The following RFC1 variants were observed in gnomAD, a reference collection of about 807,000 sequenced individuals.
RFC1 encodes the protein A1 140 kDa subunit.
In RFC1, 37 loss-of-function variants were observed where a neutral mutation model predicts 137.4. The ratio of observed to expected loss-of-function variants is 0.27; its 90% CI spans 0.21 to 0.35. RFC1 has a LOEUF of 0.35. Ranked by LOEUF, RFC1 falls within the 10% of genes least tolerant of loss-of-function variation. The pLI is 1.00. For synonymous variants in RFC1, 429 were observed against 455.7 expected (o/e 0.94, Z 0.75); for missense variants, 1,205 against 1,358.5 (o/e 0.89, Z 1.78).
chr4:39,306,839 AC>A lies in RFC1; in HGVS notation c.1886-139del. On this transcript the variant is annotated intron_variant, in intron 13 of 24. Transcript: ENST00000349703. ...GTTCTAAATTTGCAGACTATTTTCT[AC>A]AAAGCATAAACAAGTTTCCAGAGCA... 4.8e-6 allele frequency: 3 copies of A among 629,054 alleles called. No homozygotes were observed. In the South Asian group the frequency reaches 5.8e-5, roughly 12 times the overall value. 39.0% of individuals were successfully genotyped at this position (629,054 alleles called of 1,614,324 possible). A position where few individuals can be genotyped will look rare whatever the true frequency, so the allele number is the denominator to read the frequency against.
chr4:39,300,809 G>C (rs556960766), intron 19 of RFC1, among the ~76,000 whole-genome samples: 4 of 152,198 alleles, frequency 2.6e-5, no homozygotes, highest in Non-Finnish European at 4.4e-5. Context: ...AAAGACATGG[G>C]GGGGCAGGGC....
At chr4:39,319,225 C>G (rs1357109009) in intron 9 of RFC1, among the ~76,000 whole-genome samples, 1 of 152,068 alleles carries the variant, frequency 6.6e-6, no homozygotes, top group Non-Finnish European at 1.5e-5. Flanking sequence ...ATTTTACAAA[C>G]AGCACCAAAG....
chr4:39,326,476 C>A, intron 6 of RFC1, 87 bp downstream of exon 6: 1 of 962,844 alleles, frequency 1.0e-6, no homozygotes, highest in Non-Finnish European at 1.6e-6. Context: ...CATGTAACTT[C>A]CAATGAGGTT....
chr4:39,361,216 C>T (rs2109782253), intron 1 of RFC1, among the ~76,000 whole-genome samples: 1 of 152,202 alleles, frequency 6.6e-6, no homozygotes, highest in Middle Eastern at 3.4e-3. Flanking sequence ...GGACAAAACC[C>T]CGTCTCTGCT....
intron 4 of RFC1, among the ~76,000 whole-genome samples, chr4:39,336,093 T>A (rs1560612809): frequency 6.6e-6 from 1 of 152,092 alleles, no homozygotes; most frequent in African/African-American, 2.4e-5. Context: ...CTCCTTCCTC[T>A]CCATATGCCA....
chr4:39,289,151 G>C (rs1737529256), intron 24 of RFC1, among the ~76,000 whole-genome samples: 1 of 152,190 alleles, frequency 6.6e-6, no homozygotes, highest in East Asian at 1.9e-4. Context: ...AAATAAGCAA[G>C]AGGTAATTGA....
rs1739476769 is a variant in RFC1, at chr4:39,320,677, G to A, written c.809-8C>T. 1 of 1,559,704 alleles carries A rather than the reference G, an allele frequency of 6.4e-7. No homozygotes were observed. The highest frequency in any genetic ancestry group is 2.2e-5 in the Admixed American group (1 of 45,164). ...AAACTTGTGCTGTTTTTACTAGGAA[G>A]AAAGAAAAGATTATGGTTGTTGTTT... On this transcript the variant is annotated splice_region_variant and splice_polypyrimidine_tract_variant and intron_variant, in intron 8 of 24. Coordinates refer to ENST00000349703, the MANE Select transcript of RFC1 (RefSeq NM_002913.5).
intron 2 of RFC1, among the ~76,000 whole-genome samples, chr4:39,349,955 G>A (rs1292072327): frequency 1.3e-5 from 2 of 152,184 alleles, no homozygotes; most frequent in Non-Finnish European, 2.9e-5. Flanking sequence ...GGTGAGCCGA[G>A]ATCGTGCCAT....
chr4:39,302,121 T>A (rs2109609029), intron 19 of RFC1, among the ~76,000 whole-genome samples, 157 bp downstream of exon 19: 1 of 152,374 alleles, frequency 6.6e-6, no homozygotes, highest in South Asian at 2.1e-4. Context: ...TCATTTGAAT[T>A]AGAAACACTT....
At chr4:39,323,562 T>C (rs985349666) in intron 6 of RFC1, 145 bp from the exon 7 acceptor site, 6 of 708,606 alleles carry the variant, frequency 8.5e-6, no homozygotes, top group Non-Finnish European at 1.4e-5. Context: ...TCAACATTAA[T>C]AGTGAAGTAT....
At chr4:39,322,242 CA>C (rs995606036) in intron 7 of RFC1, 1 of 151,886 alleles carries the variant, frequency 6.6e-6, no homozygotes, top group African/African-American at 2.4e-5. Flanking sequence ...CCCATCTCTA[CA>C]AAAAACACAA....
chr4:39,351,485 A>G lies in RFC1; in HGVS notation c.4-9T>C, dbSNP rs1741199539. 1 of 1,535,840 alleles carries G rather than the reference A, an allele frequency of 6.5e-7. No individual in the cohort carries two copies. On this transcript the variant is annotated splice_polypyrimidine_tract_variant and intron_variant, in intron 1 of 24. Transcript: ENST00000349703. The stretch of plus-strand genomic sequence containing the variant: ...AAGAATTTCCGAATGTCCTAAAAGC[A>G]AAAAACAGGAGATTCACGAATAAAC...
intron 21 of RFC1, among the ~76,000 whole-genome samples, chr4:39,298,901 G>A (rs965278685): frequency 6.6e-6 from 1 of 152,142 alleles, no homozygotes; most frequent in Non-Finnish European, 1.5e-5. Context: ...GGCGGATCAC[G>A]AGGTCAGGAG....
chr4:39,306,355 G>A (rs569793847), intron 14 of RFC1, among the ~76,000 whole-genome samples: 2 of 152,178 alleles, frequency 1.3e-5, no homozygotes, highest in East Asian at 1.9e-4. Context: ...ACACTGCCTC[G>A]CTCGTTGGTA....
intron 13 of RFC1, 56 bp downstream of exon 13, chr4:39,308,580 G>C: frequency 6.5e-7 from 1 of 1,547,430 alleles, no homozygotes; most frequent in Non-Finnish European, 8.7e-7. Flanking sequence ...ATGTGCCACT[G>C]AGCAATCACA....
At chr4:39,340,584 A>G (rs1398608703) in intron 4 of RFC1, among the ~76,000 whole-genome samples, 1 of 152,122 alleles carries the variant, frequency 6.6e-6, no homozygotes, top group African/African-American at 2.4e-5. Flanking sequence ...AACGTCAAGG[A>G]TTTTCCAGTA....
chr4:39,309,168 A>C, intron 12 of RFC1, 136 bp from the exon 13 acceptor site: 1 of 830,566 alleles, frequency 1.2e-6, no homozygotes, highest in Non-Finnish European at 1.8e-6. Flanking sequence ...TTCACAACAG[A>C]CTTTCCTGTT....
chr4:39,299,918 A>T, intron 21 of RFC1, 103 bp downstream of exon 21: 1 of 749,060 alleles, frequency 1.3e-6, no homozygotes, highest in Non-Finnish European at 2.2e-6. Flanking sequence ...CGATCTCAAA[A>T]ATAAAGTAAA....
intron 6 of RFC1, among the ~76,000 whole-genome samples, chr4:39,323,769 G>A (rs1279325530): frequency 6.6e-6 from 1 of 152,114 alleles, no homozygotes; most frequent in Admixed American, 6.6e-5. Context: ...ACCTCTGAAA[G>A]GAATCTCAAC....
Sources: gnomAD v4.1 joint callset for allele counts (sites outside exome capture counted in the v4.1 genomes callset) on GRCh38, gnomAD v4.1.1 for gene constraint, MANE v1.5 for transcripts, NCBI Gene and HGNC (gene_info 2026-07-23, HGNC 2026-07-21) for gene names.